RTEL1: variants seen among roughly 807,000 people sequenced by gnomAD.
RTEL1 encodes regulator of telomere length.
RTEL1 carries 86 observed loss-of-function variants against 162.2 expected under a neutral mutation model. The observed-to-expected ratio is 0.53, with a 90% confidence interval of 0.45 to 0.63. The LOEUF (loss-of-function observed/expected upper bound fraction) is 0.63. Ranked by LOEUF, RTEL1 falls within the 30% of genes least tolerant of loss-of-function variation. RTEL1 has a pLI of 0.00. For synonymous variants in RTEL1, 958 were observed against 717.9 expected (o/e 1.33, Z -5.35); for missense variants, 1,941 against 1,750.2 (o/e 1.11, Z -1.95).
intron 14 of RTEL1, among the ~76,000 whole-genome samples, chr20:63,685,291 A>G (rs1452466756): frequency 2.0e-5 from 3 of 152,130 alleles, no homozygotes; most frequent in South Asian, 2.1e-4. Flanking sequence ...TTTTCAGTGC[A>G]TGGAGATGGC....
chr20:63,692,945 G>A lies in RTEL1; in HGVS notation c.2793G>A (p.Leu931=), dbSNP rs1601182678. 3.7e-6 allele frequency: 6 copies of A among 1,612,632 alleles called. No homozygotes were observed. Among genetic ancestry groups the A allele is most frequent in the South Asian group, 1.1e-5 (1 of 91,084 alleles). ...AGGGTTCCGATGACTTCGCCGCCCT[G>A]GCCGCCTGTCTCGGCCCCCTCTTTG... ...DYKGSDDFAA[L]AACLGPLFAE... Residue 931 remains leucine (L), a synonymous_variant, in exon 29 of 35, where the codon CTG becomes CTA. Transcript: ENST00000360203.
chr20:63,676,804 G>T (rs913797704), intron 10 of RTEL1, among the ~76,000 whole-genome samples: 6 of 152,220 alleles, frequency 3.9e-5, no homozygotes, highest in African/African-American at 1.2e-4. Flanking sequence ...GTGTGGTGGT[G>T]CATGCTTGTA....
At chr20:63,691,927 T>TC in intron 28 of RTEL1, 90 bp downstream of exon 28, 3 of 1,000,098 alleles carry the variant, frequency 3.0e-6, no homozygotes, top group Non-Finnish European at 4.6e-6. Flanking sequence ...CTGGTCCCGA[T>TC]GGGACCAGGG....
intron 7 of RTEL1, 121 bp downstream of exon 7, chr20:63,666,200 C>T (rs1234307279): frequency 6.2e-6 from 5 of 800,630 alleles, no homozygotes; most frequent in Non-Finnish European, 9.9e-6. Context: ...ATGAAACTAA[C>T]CACCATTCAG....
chr20:63,691,079 C>G (rs570180851), intron 27 of RTEL1, 132 bp downstream of exon 27: 2 of 1,010,922 alleles, frequency 2.0e-6, no homozygotes, highest in Non-Finnish European at 2.8e-6. Context: ...GGCGGGCAAG[C>G]GGGCGGGGGA....
At position 63,692,248 on chromosome 20, in the gene RTEL1, C is replaced by T. The variant is rs184740119; in HGVS notation, c.2652+411C>T. Reference sequence around the variant, plus strand: ...AGTGTGGCGGCCTTTGTCCATGTCCCTTGGCTTCTGGGAAGAACTGGGTGG... The same window carrying T: ...AGTGTGGCGGCCTTTGTCCATGTCCTTTGGCTTCTGGGAAGAACTGGGTGG... On this transcript the variant is annotated intron_variant, in intron 28 of 34. Coordinates refer to ENST00000360203, the MANE Select transcript of RTEL1 (RefSeq NM_001283009.2). 307 of 220,428 alleles carry T rather than the reference C, an allele frequency of 1.4e-3. 6 individuals are homozygous for T. The highest frequency in any genetic ancestry group is 1.7e-4 in the Non-Finnish European group (19 of 109,854). 13.7% of individuals were successfully genotyped at this position (220,428 alleles called of 1,614,324 possible). A position where few individuals can be genotyped will look rare whatever the true frequency, so the allele number is the denominator to read the frequency against.
intron 10 of RTEL1, among the ~76,000 whole-genome samples, chr20:63,676,787 T>C (rs1409669883): frequency 2.0e-5 from 3 of 152,178 alleles, no homozygotes; most frequent in South Asian, 2.1e-4. Flanking sequence ...ACAAAAAAAT[T>C]AGCCAGGTGT....
chr20:63,693,480 T>TTCA (rs2090842136), intron 30 of RTEL1, among the ~76,000 whole-genome samples, 197 bp downstream of exon 30: 1 of 5,418 alleles, frequency 1.8e-4, no homozygotes, highest in African/African-American at 8.1e-4. Flanking sequence ...CACCTCCACC[T>TTCA]CCACCACCAC....
At position 63,680,770 on chromosome 20, in the gene RTEL1, G is replaced by A. The variant is rs964658177; in HGVS notation, c.1191+51G>A. The A allele has an allele frequency of 5.6e-6, 9 of 1,608,998 alleles. No individual in the cohort carries two copies. In the Admixed American group the frequency reaches 1.5e-4, roughly 27 times the overall value. On this transcript the variant is annotated intron_variant, in intron 14 of 34. Coordinates refer to ENST00000360203, the MANE Select transcript of RTEL1 (RefSeq NM_001283009.2). ...TCCTTCCCTGATGGAAGCCGGGCGG[G>A]TGCCTTCTCCTGCTGTATTAGTTAA...
In RTEL1 at chr20:63,679,743, C is replaced by T. The variant is rs1249238688; in HGVS notation, c.1038-106C>T. On this transcript the variant is annotated intron_variant, in intron 12 of 34. Coordinates refer to ENST00000360203, the MANE Select transcript of RTEL1 (RefSeq NM_001283009.2). ...TCTTCTCGGCAGCTACATCTTTGAC[C>T]AGTGTCGTCCCCCCTCAGGCCCGAG... 8.4e-6 allele frequency: 7 copies of T among 830,126 alleles called. No individual in the cohort carries two copies. The East Asian group carries it at 1.5e-4, about 18-fold the overall frequency. 51.4% of individuals were successfully genotyped at this position (830,126 alleles called of 1,614,324 possible).
rs370789566 is a variant in RTEL1, at chr20:63,689,905, C to T, written c.2141+40C>T. Reference sequence around the variant, plus strand: ...GTGGCAGGCGCGGCGCCAGGGGACACGCCCACACCCCACTGGGCCCCTGGA... The same window carrying T: ...GTGGCAGGCGCGGCGCCAGGGGACATGCCCACACCCCACTGGGCCCCTGGA... On this transcript the variant is annotated intron_variant, in intron 24 of 34. Transcript: ENST00000360203. 2.0e-5 allele frequency: 31 copies of T among 1,568,684 alleles called. No individual in the cohort carries two copies. The East Asian group carries it at 4.5e-4, about 23-fold the overall frequency.
intron 14 of RTEL1, chr20:63,682,432 C>T (rs1490357468): frequency 3.0e-6 from 3 of 986,062 alleles, no homozygotes; most frequent in Non-Finnish European, 3.6e-6. Context: ...GAGAAGTCTC[C>T]ACACTCTGGA....
chr20:63,680,791 G>A (rs775846598), intron 14 of RTEL1, 72 bp downstream of exon 14: 1 of 1,595,220 alleles, frequency 6.3e-7, no homozygotes, highest in Admixed American at 1.7e-5. Flanking sequence ...TGCTGTATTA[G>A]TTAACTGATT....
Position 63,695,141 on chromosome 20 carries a change from A to G in RTEL1, c.3419A>G (p.Tyr1140Cys), listed in dbSNP as rs200622914. 8 of 1,612,062 alleles carry G rather than the reference A, an allele frequency of 5.0e-6. No individual in the cohort carries two copies. The highest frequency in any genetic ancestry group is 1.1e-5 in the South Asian group (1 of 91,076). Reference protein sequence around the residue: ...QTCTDLTGRPYPGMEPPGPQE... With the variant: ...QTCTDLTGRPCPGMEPPGPQE... ...TGCACAGACCTGACCGGCCGGCCCT[A>G]CCCGGGCATGGAGCCACCGGGACCC... Residue 1140 changes from tyrosine to cysteine, a missense_variant, in exon 33 of 35, where the codon TAC becomes TGC. Tyr to Cys is a radical substitution (Grantham distance 194). Transcript: ENST00000360203.
rs1297204312 is a variant in RTEL1, at chr20:63,695,605, C to T, written c.3777C>T (p.Ala1259=). 6.2e-7 allele frequency: 1 copy of T among 1,611,848 alleles called. No homozygotes were observed. The highest frequency in any genetic ancestry group is 1.3e-5 in the African/African-American group (1 of 74,932). Reference sequence around the variant, plus strand: ...ACGTGGTGCCCTTCCAGTGCCCTGCCTGTGACTTCCAGCGCTGCCAAGCCT... The same window carrying T: ...ACGTGGTGCCCTTCCAGTGCCCTGCTTGTGACTTCCAGCGCTGCCAAGCCT... ...AEDVVPFQCP[A]CDFQRCQACW... is the part of the protein sequence containing the mutation. Residue 1259 remains alanine (A), a synonymous_variant, in exon 34 of 35, where the codon GCC becomes GCT. Coordinates refer to ENST00000360203, the MANE Select transcript of RTEL1 (RefSeq NM_001283009.2).
At chr20:63,667,264 C>A (rs560133175) in intron 7 of RTEL1, among the ~76,000 whole-genome samples, 1 of 151,810 alleles carries the variant, frequency 6.6e-6, no homozygotes, top group South Asian at 2.1e-4. Context: ...CACGAGGACT[C>A]CCCATCCCTT....
chr20:63,668,966 G>A lies in RTEL1; in HGVS notation c.699+1413G>A, dbSNP rs2146181839. Among the ~76,000 whole-genome samples the A allele has an allele frequency of 6.6e-6, 1 of 152,274 alleles. No individual in the cohort carries two copies. The highest frequency in any genetic ancestry group is 2.4e-5 in the African/African-American group (1 of 41,552). On this transcript the variant is annotated intron_variant, in intron 8 of 34. Transcript: ENST00000360203. This position sits in a 1 kb window ranked among gnomAD's most constrained non-coding sequence, Gnocchi z 4.3. ...GCCATGGAGAAGGCAGCAAGCTCAAGCTGACCCACACGCATGTGGTCATTG... is the reference window on the plus strand; with the variant it reads ...GCCATGGAGAAGGCAGCAAGCTCAAACTGACCCACACGCATGTGGTCATTG...
At chr20:63,665,966 C>T (rs1392838793) in intron 6 of RTEL1, 38 bp from the exon 7 acceptor site, 6 of 1,599,520 alleles carry the variant, frequency 3.8e-6, no homozygotes, top group East Asian at 4.5e-5. Flanking sequence ...CTTAGTGGAC[C>T]CTGAGGGTGT....
At chr20:63,679,002 G>A (rs1026599216) in intron 12 of RTEL1, among the ~76,000 whole-genome samples, 4 of 152,200 alleles carry the variant, frequency 2.6e-5, no homozygotes, top group African/African-American at 9.6e-5. Context: ...GGTCCAGTCC[G>A]TCATTTGAGC....
Sources: gnomAD v4.1 joint callset for allele counts (sites outside exome capture counted in the v4.1 genomes callset) on GRCh38, gnomAD v4.1.1 for gene constraint, Gnocchi (gnomAD v3.1) non-coding constraint, MANE v1.5 for transcripts, NCBI Gene and HGNC (gene_info 2026-07-23, HGNC 2026-07-21) for gene names.